ARHGEF17: variants seen among roughly 807,000 people sequenced by gnomAD.
The protein encoded by ARHGEF17 is Rho guanine nucleotide exchange factor 17, also known as 164 kDa Rho-specific guanine-nucleotide exchange factor.
Under a neutral mutation model 174.0 loss-of-function variants are expected in ARHGEF17, and 80 were observed. The ratio of observed to expected loss-of-function variants is 0.46; its 90% CI spans 0.38 to 0.55. The LOEUF (loss-of-function observed/expected upper bound fraction) is 0.55, where lower values mean the gene tolerates loss of function less well. Among genes scored for constraint, ARHGEF17 ranks in the 20% least tolerant of loss-of-function variants. The pLI is 0.00. For missense variants in ARHGEF17, 2,886 were observed against 2,839.7 expected (o/e 1.02, Z -0.37); for synonymous variants, 1,311 against 1,189.1 (o/e 1.10, Z -2.11).
In ARHGEF17 at chr11:73,362,670, G is replaced by T. The variant is rs138108633; in HGVS notation, c.4932G>T (p.Ser1644=). The stretch of plus-strand genomic sequence containing the variant: ...ACAGTGACTCTGACGATGAGTCTTC[G>T]CCCAGCCCCTCGGGGACGCTGCAGA... ...PFDSDSDDES[S]PSPSGTLQSQ... is the part of the protein sequence containing the mutation. The change falls in exon 14 of 21, where the codon TCG becomes TCT. Residue 1644 remains serine, a synonymous_variant. Transcript: ENST00000263674. The T allele has an allele frequency of 2.3e-3, 3,739 of 1,611,066 alleles. 11 individuals carry two copies. The highest frequency in any genetic ancestry group is 2.8e-3 in the Non-Finnish European group (3,356 of 1,179,958).
intron 1 of ARHGEF17, among the ~76,000 whole-genome samples, chr11:73,329,357 ATATATATATATATATATTTTT>A (rs1210316817): frequency 2.4e-4 from 1 of 4,126 alleles, no homozygotes; most frequent in African/African-American, 1.0e-3. Flanking sequence ...ATATATATAT[ATATATATATATATATATTTTT>A]TTTTTTTTTT....
At chr11:73,356,375 A>G in intron 6 of ARHGEF17, 24 bp downstream of exon 6, 1 of 797,844 alleles carries the variant, frequency 1.3e-6, no homozygotes, top group Non-Finnish European at 1.7e-6. Context: ...GCCCCACCCC[A>G]CCCTACCCCA....
chr11:73,355,519 C>T lies in ARHGEF17; in HGVS notation c.3454-14C>T, dbSNP rs746430284. 9.4e-6 allele frequency: 15 copies of T among 1,601,014 alleles called. No individual in the cohort carries two copies. Among genetic ancestry groups the T allele is most frequent in the Non-Finnish European group, 1.0e-5 (12 of 1,168,294 alleles). On this transcript the variant is annotated splice_polypyrimidine_tract_variant and intron_variant, in intron 3 of 20. Transcript: ENST00000263674. ...GACACCTTGAGGGTCCCCAACCTGC[C>T]TCCTCCTCCACAGTTCTCCAAGGAT...
chr11:73,325,583 A>G (rs962473704), intron 1 of ARHGEF17, among the ~76,000 whole-genome samples: 2 of 152,126 alleles, frequency 1.3e-5, no homozygotes, highest in African/African-American at 4.8e-5. Flanking sequence ...CTCACTTTTC[A>G]ATCCCCAGCA....
intron 1 of ARHGEF17, among the ~76,000 whole-genome samples, chr11:73,313,586 G>C (rs185553957): frequency 6.6e-6 from 1 of 152,094 alleles, no homozygotes; most frequent in African/African-American, 2.4e-5. Context: ...GCTCTGAGGC[G>C]GGACAGATCT....
Position 73,311,069 on chromosome 11 carries a change from G to A in ARHGEF17, c.2431G>A (p.Gly811Arg). The change falls in exon 1 of 21, where the codon GGG (glycine) becomes AGG (arginine). Residue 811 changes from glycine (G) to arginine (R), a missense_variant. Coordinates refer to ENST00000263674, the MANE Select transcript of ARHGEF17 (RefSeq NM_014786.4). Reference protein sequence around the residue: ...QSIVQGPGTLGRVVDDRIAGK... With the variant: ...QSIVQGPGTLRRVVDDRIAGK... ...CATAGTTCAGGGGCCTGGCACCCTGGGGCGTGTGGTGGACGACAGGATTGC... is the reference window on the plus strand; with the variant it reads ...CATAGTTCAGGGGCCTGGCACCCTGAGGCGTGTGGTGGACGACAGGATTGC... 6.2e-7 allele frequency: 1 copy of A among 1,612,940 alleles called. No homozygotes were observed. Among genetic ancestry groups the A allele is most frequent in the Non-Finnish European group, 8.5e-7 (1 of 1,179,038 alleles).
intron 1 of ARHGEF17, among the ~76,000 whole-genome samples, chr11:73,345,734 G>C (rs1026079170): frequency 6.6e-6 from 1 of 152,170 alleles, no homozygotes; most frequent in African/African-American, 2.4e-5. Flanking sequence ...CCCGAGATAC[G>C]GTCCACAGAT....
intron 1 of ARHGEF17, among the ~76,000 whole-genome samples, chr11:73,342,169 CTAGGGGTGGGAGCACAGT>C (rs1865381169): frequency 1.3e-5 from 2 of 151,334 alleles, no homozygotes; most frequent in African/African-American, 4.9e-5. Context: ...GGAGCACAGT[CTAGGGGTGGGAGCACAGT>C]CTAGGAGTGG....
In ARHGEF17 at chr11:73,309,081, C is replaced by G; in HGVS notation, c.443C>G (p.Pro148Arg). 1.3e-6 allele frequency: 2 copies of G among 1,530,046 alleles called. No homozygotes were observed. Among genetic ancestry groups the G allele is most frequent in the Non-Finnish European group, 1.7e-6 (2 of 1,143,152 alleles). The allele number at this position is 1,530,046 out of a possible 1,614,324, so 94.8% of individuals were successfully genotyped here. A position where few individuals can be genotyped will look rare whatever the true frequency, so the allele number is the denominator to read the frequency against. The change falls in exon 1 of 21, where the codon CCA becomes CGA. Residue 148 changes from proline to arginine, a missense_variant. Coordinates refer to ENST00000263674, the MANE Select transcript of ARHGEF17 (RefSeq NM_014786.4). The stretch of plus-strand genomic sequence containing the variant: ...AGGCCCAGCGCCGACTCTGAATCCC[C>G]AGGAACGCCCAGCCCCGACGGTGCC... Reference protein sequence around the residue: ...SRRPSADSESPGTPSPDGAAW... With the variant: ...SRRPSADSESRGTPSPDGAAW...
chr11:73,336,191 T>C (rs1043969499), intron 1 of ARHGEF17, among the ~76,000 whole-genome samples: 1 of 152,246 alleles, frequency 6.6e-6, no homozygotes, highest in African/African-American at 2.4e-5. Flanking sequence ...TGCCACATCC[T>C]GACTTCATAA....
At chr11:73,317,967 C>T (rs562875234) in intron 1 of ARHGEF17, among the ~76,000 whole-genome samples, 1 of 152,294 alleles carries the variant, frequency 6.6e-6, no homozygotes, top group South Asian at 2.1e-4. Flanking sequence ...CTTTGCCTCA[C>T]CACCTTCCTG....
chr11:73,364,232 G>A lies in ARHGEF17; in HGVS notation c.5394G>A (p.Arg1798=), dbSNP rs1404211422. The change falls in exon 17 of 21, where the codon AGG becomes AGA. Residue 1798 remains arginine, a synonymous_variant. Coordinates refer to ENST00000263674, the MANE Select transcript of ARHGEF17 (RefSeq NM_014786.4). ...ATGGAGAGCTTGTGGTCTACCAAAG[G>A]GAAGCAGGTGAGTATCTGCCCTCCC... The part of the protein sequence containing the change: ...LANGELVVYQ[R]EAGHFWDPQN... 6.2e-7 allele frequency: 1 copy of A among 1,614,154 alleles called. No individual in the cohort carries two copies. The highest frequency in any genetic ancestry group is 8.5e-7 in the Non-Finnish European group (1 of 1,180,020).
In ARHGEF17 at chr11:73,364,256, C is replaced by A. The variant is rs757074856; in HGVS notation, c.5401+17C>A. On this transcript the variant is annotated intron_variant, in intron 17 of 20. Coordinates refer to ENST00000263674, the MANE Select transcript of ARHGEF17 (RefSeq NM_014786.4). ...GGGAAGCAGGTGAGTATCTGCCCTC[C>A]CCCACACCCTGCCCCTGTCCCCTTA... The A allele has an allele frequency of 6.2e-7, 1 of 1,613,884 alleles. No homozygotes were observed. The highest frequency in any genetic ancestry group is 8.5e-7 in the Non-Finnish European group (1 of 1,179,790).
At position 73,360,260 on chromosome 11, in the gene ARHGEF17, G is replaced by C. The variant is rs917625696; in HGVS notation, c.4207-60G>C. On this transcript the variant is annotated intron_variant, in intron 10 of 20. Coordinates refer to ENST00000263674, the MANE Select transcript of ARHGEF17 (RefSeq NM_014786.4). The stretch of plus-strand genomic sequence containing the variant: ...AGAGAGGCAGGTCCCCACACATTAA[G>C]GGCAGGTGCAGGCTCTGGTGAGATG... 1.3e-5 allele frequency: 21 copies of C among 1,580,410 alleles called. No homozygotes were observed. In the African/African-American group the frequency reaches 2.6e-4, roughly 19 times the overall value.
intron 9 of ARHGEF17, among the ~76,000 whole-genome samples, chr11:73,357,746 T>C (rs1309549850): frequency 6.6e-6 from 1 of 152,234 alleles, no homozygotes; most frequent in Non-Finnish European, 1.5e-5. Context: ...GAGCCATCCA[T>C]GTTGTTCAGG....
Position 73,310,220 on chromosome 11 carries a change from C to T in ARHGEF17, c.1582C>T (p.Pro528Ser), listed in dbSNP as rs748193574. Residue 528 changes from proline to serine, a missense_variant, in exon 1 of 21, where the codon CCT (proline) becomes TCT (serine). Physicochemically the swap from Pro to Ser is moderately conservative, Grantham distance 74. Transcript: ENST00000263674. ...EPIPIPAPAS[P>S]GTRPTLKDLT... ...CATACCCATCCCAGCCCCAGCATCA[C>T]CTGGCACGCGCCCCACACTCAAGGA... is the stretch of plus-strand genomic sequence containing the variant. 4 of 1,614,044 alleles carry T rather than the reference C, an allele frequency of 2.5e-6. No individual in the cohort carries two copies. Among genetic ancestry groups the T allele is most frequent in the Admixed American group, 1.7e-5 (1 of 60,032 alleles).
chr11:73,313,407 C>G (rs987836907), intron 1 of ARHGEF17, among the ~76,000 whole-genome samples: 1 of 152,108 alleles, frequency 6.6e-6, no homozygotes, highest in Non-Finnish European at 1.5e-5. Context: ...CTTGAAGGCT[C>G]AAATGGGGGA....
Position 73,317,372 on chromosome 11 carries a change from C to A in ARHGEF17, c.3192+5542C>A, listed in dbSNP as rs1044829389. ...TGGGCATTGCCATGGCTCCAATAGT[C>A]CAATAAAGAAGCAGGCTCAGAGTGG... On this transcript the variant is annotated intron_variant, in intron 1 of 20. Coordinates refer to ENST00000263674, the MANE Select transcript of ARHGEF17 (RefSeq NM_014786.4). 3.3e-5 allele frequency among the ~76,000 whole-genome samples: 5 copies of A among 152,332 alleles called. No individual in the cohort carries two copies. In the East Asian group the frequency reaches 9.7e-4, roughly 29 times the overall value.
intron 15 of ARHGEF17, 28 bp downstream of exon 15, chr11:73,363,483 C>T (rs776093045): frequency 9.7e-5 from 155 of 1,597,382 alleles, no homozygotes; most frequent in Middle Eastern, 1.9e-4. Context: ...ACTAGGGACA[C>T]AGTGCCAGAA....
Sources: gnomAD v4.1 joint callset for allele counts (sites outside exome capture counted in the v4.1 genomes callset) on GRCh38, gnomAD v4.1.1 for gene constraint, MANE v1.5 for transcripts, NCBI Gene and HGNC (gene_info 2026-07-23, HGNC 2026-07-21) for gene names.